PCLO: variants seen among roughly 807,000 people sequenced by gnomAD.
PCLO encodes piccolo presynaptic cytomatrix protein.
Under a neutral mutation model 427.5 loss-of-function variants are expected in PCLO, and 82 were observed. The ratio of observed to expected loss-of-function variants is 0.19; its 90% CI spans 0.16 to 0.23. The LOEUF is 0.23. PCLO is among the 10% of genes least tolerant of loss of function. PCLO has a pLI of 1.00. For synonymous variants in PCLO, 2,357 were observed against 2,155.4 expected, an observed-to-expected ratio of 1.09 and a Z score of -2.59; for missense variants, 6,239 against 6,115.9, an observed-to-expected ratio of 1.02 and a Z score of -0.67.
At chr7:83,109,046 C>G (rs570832835) in intron 3 of PCLO, among the ~76,000 whole-genome samples, 2 of 152,098 alleles carry the variant, frequency 1.3e-5, no homozygotes, top group Non-Finnish European at 2.9e-5. Context: ...GTTACCTGTT[C>G]ACTGTCTATC....
rs369958181 is a variant in PCLO, at chr7:82,774,799, T to A, written c.15008-13306A>T. The stretch of plus-strand genomic sequence containing the variant: ...TATAAATTAAGGTTCATTCTTGTTG[T>A]ACATTCCAGGGGTTTGGAAAAATAC... On this transcript the variant is annotated intron_variant, in intron 22 of 24. Transcript: ENST00000333891. Among the ~76,000 whole-genome samples, 18 of 152,290 alleles carry A rather than the reference T, an allele frequency of 1.2e-4. 1 individual carries two copies. In the East Asian group the frequency reaches 2.7e-3, roughly 23 times the overall value.
chr7:82,838,837 A>C (rs1008848908), intron 14 of PCLO, among the ~76,000 whole-genome samples: 1 of 151,994 alleles, frequency 6.6e-6, no homozygotes, highest in Non-Finnish European at 1.5e-5. Context: ...AAGAATACAC[A>C]GATTATTACT....
At chr7:82,861,418 T>C (rs761767249) in intron 10 of PCLO, among the ~76,000 whole-genome samples, 94 of 151,952 alleles carry the variant, frequency 6.2e-4, no homozygotes, top group Non-Finnish European at 7.4e-4. Flanking sequence ...CACTATATAA[T>C]GATAAAGAGG....
At chr7:83,137,250 T>G (rs1353376572) in intron 2 of PCLO, among the ~76,000 whole-genome samples, 2 of 152,236 alleles carry the variant, frequency 1.3e-5, no homozygotes, top group African/African-American at 4.8e-5. Flanking sequence ...TTTAAACTCA[T>G]GTACCAGTAT....
At chr7:82,762,558 T>C (rs1790452754) in intron 22 of PCLO, among the ~76,000 whole-genome samples, 2 of 152,176 alleles carry the variant, frequency 1.3e-5, no homozygotes, top group South Asian at 4.1e-4. Flanking sequence ...TTTGTTTATG[T>C]GGATAACTAC....
At chr7:83,050,217 A>AAAAAAAAAAAAAAAAAAAAAAAAAC (rs1789203408) in intron 3 of PCLO, among the ~76,000 whole-genome samples, 1 of 107,634 alleles carries the variant, frequency 9.3e-6, no homozygotes, top group African/African-American at 4.2e-5. Context: ...TGAAAAAAAA[A>AAAAAAAAAAAAAAAAAAAAAAAAAC]AAAAAAAAAA....
At chr7:83,124,094 A>G (rs1418205225) in intron 3 of PCLO, among the ~76,000 whole-genome samples, 1 of 151,494 alleles carries the variant, frequency 6.6e-6, no homozygotes, top group Non-Finnish European at 1.5e-5. Flanking sequence ...GCGGATCATG[A>G]GGTCAGGAAA....
At chr7:82,899,036 TATA>T (rs1357747343) in intron 9 of PCLO, among the ~76,000 whole-genome samples, 1 of 151,524 alleles carries the variant, frequency 6.6e-6, no homozygotes, top group East Asian at 1.9e-4. Flanking sequence ...AGACAGTTGT[TATA>T]ATAACTCTAG....
intron 6 of PCLO, among the ~76,000 whole-genome samples, chr7:82,921,269 A>G (rs1313159355): frequency 1.3e-5 from 2 of 151,396 alleles, no homozygotes; most frequent in Admixed American, 1.3e-4. Flanking sequence ...AAACAGCTAA[A>G]GCAATCCTAA....
chr7:82,890,997 C>T (rs1000879974), intron 9 of PCLO, among the ~76,000 whole-genome samples: 8 of 151,706 alleles, frequency 5.3e-5, no homozygotes, highest in African/African-American at 1.9e-4. Context: ...ATTTGGTTGC[C>T]TAGTGGGACT....
At chr7:83,084,223 A>C (rs1583999803) in intron 3 of PCLO, among the ~76,000 whole-genome samples, 1 of 152,198 alleles carries the variant, frequency 6.6e-6, no homozygotes, top group Non-Finnish European at 1.5e-5. Context: ...TATATTTATG[A>C]ATTTTGGAAT....
At chr7:82,996,032 T>C (rs532274234) in intron 3 of PCLO, among the ~76,000 whole-genome samples, 2 of 151,930 alleles carry the variant, frequency 1.3e-5, no homozygotes, top group South Asian at 4.1e-4. Flanking sequence ...TTTTATAAGT[T>C]ACATGTTATA....
At chr7:83,117,477 C>T (rs1281291694) in intron 3 of PCLO, among the ~76,000 whole-genome samples, 1 of 152,188 alleles carries the variant, frequency 6.6e-6, no homozygotes, top group East Asian at 1.9e-4. Flanking sequence ...AAGGTCTTGG[C>T]CACTTTTTAT....
At chr7:82,851,808 C>A (rs985711304) in intron 10 of PCLO, among the ~76,000 whole-genome samples, 1 of 152,148 alleles carries the variant, frequency 6.6e-6, no homozygotes, top group Non-Finnish European at 1.5e-5. Context: ...TCTCCCCTGG[C>A]GGACTCAACA....
At chr7:83,029,765 G>A (rs1788611002) in intron 3 of PCLO, among the ~76,000 whole-genome samples, 1 of 128,692 alleles carries the variant, frequency 7.8e-6, no homozygotes, top group African/African-American at 3.0e-5. Context: ...TATACACCAT[G>A]GAATACTATG....
At chr7:82,882,045 T>G (rs1303949383) in intron 9 of PCLO, among the ~76,000 whole-genome samples, 1 of 152,050 alleles carries the variant, frequency 6.6e-6, no homozygotes. Context: ...AAATAACATT[T>G]GTTTGTTTAT....
At chr7:83,043,863 A>G (rs77254314) in intron 3 of PCLO, among the ~76,000 whole-genome samples, 2,637 of 151,512 alleles carry the variant, frequency 0.017, 77 homozygotes, top group African/African-American at 0.06. Context: ...TGTTTTCTTC[A>G]TAAGAAGCAA....
chr7:82,875,241 C>G (rs1027643670), intron 10 of PCLO, among the ~76,000 whole-genome samples: 1 of 152,048 alleles, frequency 6.6e-6, no homozygotes, highest in African/African-American at 2.4e-5. Flanking sequence ...TGGTTCAGGA[C>G]ATTTTTAATA....
At chr7:82,780,735 C>T (rs1299939401) in intron 22 of PCLO, among the ~76,000 whole-genome samples, 3 of 152,164 alleles carry the variant, frequency 2.0e-5, no homozygotes, top group African/African-American at 7.2e-5. Flanking sequence ...TGGTTACTAA[C>T]AATATTAGAA....
Sources: allele counts gnomAD v4.1 joint callset (sites outside exome capture counted in the v4.1 genomes callset), GRCh38; gene constraint gnomAD v4.1.1; transcripts MANE v1.5; gene names NCBI Gene and HGNC (gene_info 2026-07-23, HGNC 2026-07-21).